The following MITF variants were observed in gnomAD, a reference collection of about 807,000 sequenced individuals.
The protein encoded by MITF is melanocyte inducing transcription factor, also known as microphthalmia-associated transcription factor.
A neutral mutation model predicts 60.5 loss-of-function variants in MITF; 17 were observed. That is an observed-to-expected ratio of 0.28 (90% CI 0.19 to 0.42). The LOEUF is 0.42. Among genes scored for constraint, MITF ranks in the 10% least tolerant of loss-of-function variants. The pLI, the probability that MITF is intolerant of heterozygous loss-of-function variation, is 1.00. For synonymous variants in MITF, 260 were observed against 248.5 expected (o/e 1.05, Z -0.43); for missense variants, 622 against 683.5 (o/e 0.91, Z 1.00).
chr3:69,746,861 G>A (rs965325783), intron 1 of MITF, among the ~76,000 whole-genome samples: 6 of 152,144 alleles, frequency 3.9e-5, no homozygotes, highest in African/African-American at 1.2e-4. Context: ...TGCACCTCCC[G>A]TTCTATTGCA....
intron 8 of MITF, among the ~76,000 whole-genome samples, chr3:69,958,308 C>T (rs769761325): frequency 3.3e-5 from 5 of 152,196 alleles, no homozygotes; most frequent in Admixed American, 2.0e-4. Flanking sequence ...TAAGTCTCTG[C>T]GCTCACTGTG....
At chr3:69,772,582 G>A (rs2062410013) in intron 1 of MITF, among the ~76,000 whole-genome samples, 1 of 152,172 alleles carries the variant, frequency 6.6e-6, no homozygotes, top group Admixed American at 6.5e-5. Context: ...GAGTCATGCA[G>A]CCTTAAAAGG....
At chr3:69,936,523 C>T (rs964776718) in intron 2 of MITF, 11 of 1,273,334 alleles carry the variant, frequency 8.6e-6, no homozygotes, top group Non-Finnish European at 1.1e-5. Flanking sequence ...CTTATGTGAA[C>T]GTTTTTTTTT....
At chr3:69,962,981 C>T (rs2066588241) in intron 9 of MITF, among the ~76,000 whole-genome samples, 1 of 152,188 alleles carries the variant, frequency 6.6e-6, no homozygotes, top group Non-Finnish European at 1.5e-5. Context: ...TGCCTGTCTT[C>T]TCCCTGTGTG....
intron 1 of MITF, among the ~76,000 whole-genome samples, chr3:69,814,988 A>G (rs905440806): frequency 1.3e-5 from 2 of 152,136 alleles, no homozygotes; most frequent in African/African-American, 4.8e-5. Flanking sequence ...TCGCACTGTA[A>G]GGATAAACTT....
chr3:69,857,313 C>A (rs1217761612), intron 1 of MITF, among the ~76,000 whole-genome samples: 1 of 152,016 alleles, frequency 6.6e-6, no homozygotes, highest in Non-Finnish European at 1.5e-5. Context: ...GGCACATTAA[C>A]CTCTTGATTT....
At chr3:69,963,188 A>G (rs953912582) in intron 9 of MITF, among the ~76,000 whole-genome samples, 53 of 152,344 alleles carry the variant, frequency 3.5e-4, no homozygotes, top group African/African-American at 1.2e-3. Context: ...TCCAGGACAC[A>G]ATTTAGCCAA....
chr3:69,949,303 A>G, intron 6 of MITF, 135 bp downstream of exon 6: 1 of 676,794 alleles, frequency 1.5e-6, no homozygotes, highest in African/African-American at 1.8e-5. Flanking sequence ...CAGTGGTTAA[A>G]ACATTATGCA....
chr3:69,936,250 A>G (rs1368761101), intron 2 of MITF, among the ~76,000 whole-genome samples: 1 of 152,180 alleles, frequency 6.6e-6, no homozygotes, highest in Non-Finnish European at 1.5e-5. Context: ...CTCATGTAAT[A>G]GTAGCTTTTA....
At chr3:69,798,276 G>A (rs1381891080) in intron 1 of MITF, among the ~76,000 whole-genome samples, 1 of 152,196 alleles carries the variant, frequency 6.6e-6, no homozygotes, top group African/African-American at 2.4e-5. Context: ...TTGTATTAGT[G>A]GAAGCCAGGC....
chr3:69,744,513 C>T (rs1703648213), intron 1 of MITF, among the ~76,000 whole-genome samples: 1 of 152,112 alleles, frequency 6.6e-6, no homozygotes. Flanking sequence ...CCAGTAGTCT[C>T]AAGAATATAA....
intron 1 of MITF, among the ~76,000 whole-genome samples, chr3:69,761,109 CCTAT>C (rs1008803225): frequency 1.3e-4 from 20 of 151,968 alleles, no homozygotes; most frequent in Non-Finnish European, 2.9e-4. Flanking sequence ...AGTGCTTTAG[CCTAT>C]CTTTTATATA....
intron 2 of MITF, among the ~76,000 whole-genome samples, chr3:69,898,203 T>C (rs1474289473): frequency 6.6e-6 from 1 of 152,236 alleles, no homozygotes; most frequent in African/African-American, 2.4e-5. Context: ...CCTGTTCACC[T>C]GTCTTGTGAT....
At chr3:69,862,888 G>A (rs534570402) in intron 1 of MITF, among the ~76,000 whole-genome samples, 2 of 152,212 alleles carry the variant, frequency 1.3e-5, no homozygotes, top group South Asian at 2.1e-4. Flanking sequence ...TGCATTTTGT[G>A]CTTAGTTTTT....
intron 2 of MITF, among the ~76,000 whole-genome samples, chr3:69,932,451 G>A (rs918836192): frequency 3.9e-5 from 6 of 151,994 alleles, no homozygotes; most frequent in Non-Finnish European, 7.4e-5. Flanking sequence ...GCAGCAGACC[G>A]AGTTGGGCTG....
At chr3:69,783,234 T>C (rs1423071329) in intron 1 of MITF, among the ~76,000 whole-genome samples, 1 of 152,132 alleles carries the variant, frequency 6.6e-6, no homozygotes, top group East Asian at 1.9e-4. Flanking sequence ...TGACAGATTG[T>C]GGGGAAGTTG....
chr3:69,908,004 A>G (rs937254390), intron 2 of MITF, among the ~76,000 whole-genome samples: 1 of 152,192 alleles, frequency 6.6e-6, no homozygotes, highest in Admixed American at 6.5e-5. Context: ...AGGGAAGTAA[A>G]CCAAAATATC....
chr3:69,926,552 A>G (rs1441087133), intron 2 of MITF, among the ~76,000 whole-genome samples: 1 of 152,090 alleles, frequency 6.6e-6, no homozygotes. Context: ...CAATGGGGGC[A>G]TTTGAGGGGG....
chr3:69,949,210 C>A, intron 6 of MITF, 42 bp downstream of exon 6: 1 of 1,426,976 alleles, frequency 7.0e-7, no homozygotes, highest in Non-Finnish European at 9.9e-7. Flanking sequence ...AGATTTCTGT[C>A]CATTTCCTGA....
Sources: allele counts gnomAD v4.1 joint callset (sites outside exome capture counted in the v4.1 genomes callset), GRCh38; gene constraint gnomAD v4.1.1; transcripts MANE v1.5; gene names NCBI Gene and HGNC (gene_info 2026-07-23, HGNC 2026-07-21).